The following KSR1 variants were observed in gnomAD, a reference collection of about 807,000 sequenced individuals.
The protein encoded by KSR1 is kinase suppressor of ras 1, also known as kinase suppressor of ras.
A neutral mutation model predicts 92.9 loss-of-function variants in KSR1; 35 were observed. That is an observed-to-expected ratio of 0.38 (90% CI 0.29 to 0.50). The LOEUF (loss-of-function observed/expected upper bound fraction) is 0.50, where lower values mean the gene tolerates loss of function less well. Among genes scored for constraint, KSR1 ranks in the 20% least tolerant of loss-of-function variants. The probability of loss-of-function intolerance (pLI) is 0.94; values close to 1 mark genes in which losing one functional copy is unlikely to be tolerated. For synonymous variants in KSR1, 467 were observed against 472.6 expected (o/e 0.99, Z 0.15); for missense variants, 972 against 1,158.5 (o/e 0.84, Z 2.34).
At chr17:27,598,615 C>G (rs2073431818) in intron 10 of KSR1, among the ~76,000 whole-genome samples, 1 of 152,240 alleles carries the variant, frequency 6.6e-6, no homozygotes, top group Non-Finnish European at 1.5e-5. Context: ...CCATTCTGCT[C>G]TGTCTTTATT....
chr17:27,585,439 G>A (rs1327009678), intron 4 of KSR1, among the ~76,000 whole-genome samples: 2 of 152,112 alleles, frequency 1.3e-5, no homozygotes, highest in Non-Finnish European at 2.9e-5. Context: ...GTCCCCTGGG[G>A]AGGCCTGGGG....
At chr17:27,587,408 T>C (rs2073008234) in intron 5 of KSR1, 1 of 152,222 alleles carries the variant, frequency 6.6e-6, no homozygotes, top group South Asian at 2.1e-4. Context: ...AGTCCAGCTT[T>C]GTGCTAGACC....
At chr17:27,573,212 A>G (rs545490100) in intron 2 of KSR1, among the ~76,000 whole-genome samples, 31 of 152,326 alleles carry the variant, frequency 2.0e-4, no homozygotes, top group African/African-American at 7.5e-4. Flanking sequence ...ATTAGTTATC[A>G]CCATGTAAAA....
intron 1 of KSR1, among the ~76,000 whole-genome samples, chr17:27,519,934 A>C (rs1287266363): frequency 6.6e-6 from 1 of 152,212 alleles, no homozygotes; most frequent in Non-Finnish European, 1.5e-5. Flanking sequence ...GGGAGTGGGG[A>C]TAGTAATACT....
intron 2 of KSR1, among the ~76,000 whole-genome samples, chr17:27,571,361 A>T (rs769328324): frequency 2.0e-5 from 3 of 152,202 alleles, no homozygotes; most frequent in Non-Finnish European, 2.9e-5. Flanking sequence ...ATGAGCCCCA[A>T]TGGTGGGTGC....
intron 1 of KSR1, among the ~76,000 whole-genome samples, chr17:27,505,167 A>G (rs900122039): frequency 2.6e-5 from 4 of 152,204 alleles, no homozygotes; most frequent in Non-Finnish European, 5.9e-5. Flanking sequence ...ATGACACTTC[A>G]GGAGGATAGT....
intron 1 of KSR1, among the ~76,000 whole-genome samples, chr17:27,543,027 G>C (rs1165988713): frequency 1.3e-5 from 2 of 152,206 alleles, no homozygotes; most frequent in Non-Finnish European, 2.9e-5. Context: ...AACAGGTGCT[G>C]GTGGTAAACA....
At chr17:27,504,693 C>T (rs1360376118) in intron 1 of KSR1, among the ~76,000 whole-genome samples, 1 of 152,196 alleles carries the variant, frequency 6.6e-6, no homozygotes, top group Non-Finnish European at 1.5e-5. Flanking sequence ...AGAGGACATC[C>T]CTGCCGCCAT....
At position 27,577,554 on chromosome 17, in the gene KSR1, G is replaced by C. The variant is rs773797374; in HGVS notation, c.435G>C (p.Glu145Asp). ...AGATGAATGAGGCCAAGGTGAAGGAGACGCTGCGGCGCTGTGGGGCCAGCG... is the reference window on the plus strand; with the variant it reads ...AGATGAATGAGGCCAAGGTGAAGGACACGCTGCGGCGCTGTGGGGCCAGCG... Reference protein sequence around the residue: ...LLEMNEAKVKETLRRCGASGD... With the variant: ...LLEMNEAKVKDTLRRCGASGD... Residue 145 changes from glutamate to aspartate, a missense_variant, in exon 3 of 21, where the codon GAG becomes GAC. Transcript: ENST00000644974. This position sits in a 1 kb window ranked among gnomAD's most constrained non-coding sequence, Gnocchi z 4.5. The C allele has an allele frequency of 1.9e-6, 3 of 1,605,938 alleles. No homozygotes were observed. Among genetic ancestry groups the C allele is most frequent in the Non-Finnish European group, 2.5e-6 (3 of 1,178,812 alleles).
At chr17:27,526,945 C>T in intron 1 of KSR1, 3 of 590,148 alleles carry the variant, frequency 5.1e-6, no homozygotes, top group Non-Finnish European at 9.3e-6. Context: ...CTCCCTTTCA[C>T]CTTCTCTCTC....
intron 1 of KSR1, among the ~76,000 whole-genome samples, chr17:27,490,588 G>A (rs1183288662): frequency 6.6e-6 from 1 of 152,200 alleles, no homozygotes; most frequent in Non-Finnish European, 1.5e-5. Context: ...GACCTGGGGG[G>A]TCTTCCTGCT....
At chr17:27,566,476 GGGTGAC>G (rs1253335993) in intron 2 of KSR1, 3 of 399,032 alleles carry the variant, frequency 7.5e-6, no homozygotes, top group Non-Finnish European at 1.3e-5. Flanking sequence ...CTGTGGAGCT[GGGTGAC>G]AGCCAAGGTG....
rs2151156222 is a variant in KSR1, at chr17:27,577,864, A to G, written c.520+225A>G. The G allele has an allele frequency of 3.0e-6, 2 of 673,382 alleles. No individual in the cohort carries two copies. The highest frequency in any genetic ancestry group is 1.8e-5 in the African/African-American group (1 of 56,400). 41.7% of individuals were successfully genotyped at this position (673,382 alleles called of 1,614,324 possible). On this transcript the variant is annotated intron_variant, in intron 3 of 20. Coordinates refer to ENST00000644974, the MANE Select transcript of KSR1 (RefSeq NM_001394583.1). The surrounding 1 kb of genome is among the most constrained non-coding windows in gnomAD (Gnocchi z 4.5). Reference sequence around the variant, plus strand: ...AGGCCGAATCTGAGGGGTTTCAGCCATGGTTAGAAATCCCAGGCCTGTCTG... The same window carrying G: ...AGGCCGAATCTGAGGGGTTTCAGCCGTGGTTAGAAATCCCAGGCCTGTCTG...
At chr17:27,552,323 T>C (rs907968984) in intron 2 of KSR1, among the ~76,000 whole-genome samples, 7 of 152,098 alleles carry the variant, frequency 4.6e-5, no homozygotes, top group African/African-American at 1.7e-4. Flanking sequence ...CCCCATTGAG[T>C]GTCGGGCCCA....
intron 1 of KSR1, among the ~76,000 whole-genome samples, chr17:27,506,594 G>A (rs1179663761): frequency 6.6e-6 from 1 of 152,142 alleles, no homozygotes; most frequent in Non-Finnish European, 1.5e-5. Context: ...CGGCAGCTGG[G>A]AGTCCCCTGG....
chr17:27,500,173 G>A (rs1437022384), intron 1 of KSR1, among the ~76,000 whole-genome samples: 3 of 152,306 alleles, frequency 2.0e-5, no homozygotes, highest in East Asian at 1.9e-4. Context: ...GGGGTCAGTG[G>A]GACAAGGGAG....
intron 1 of KSR1, among the ~76,000 whole-genome samples, chr17:27,486,231 T>C (rs1254323577): frequency 2.0e-5 from 3 of 152,214 alleles, no homozygotes; most frequent in Non-Finnish European, 4.4e-5. Flanking sequence ...GGATTTTCTT[T>C]AATGTAAACA....
At chr17:27,505,383 A>T (rs942991172) in intron 1 of KSR1, among the ~76,000 whole-genome samples, 1 of 152,312 alleles carries the variant, frequency 6.6e-6, no homozygotes, top group Non-Finnish European at 1.5e-5. Flanking sequence ...TGTCCTCATT[A>T]ACCCAGGAGG....
At chr17:27,517,877 T>C (rs1021316328) in intron 1 of KSR1, among the ~76,000 whole-genome samples, 2 of 152,148 alleles carry the variant, frequency 1.3e-5, no homozygotes, top group Admixed American at 6.6e-5. Flanking sequence ...AGTGGAAGAT[T>C]TGGGGACTTG....
Sources: allele counts gnomAD v4.1 joint callset (sites outside exome capture counted in the v4.1 genomes callset), GRCh38; gene constraint gnomAD v4.1.1; non-coding constraint Gnocchi (gnomAD v3.1); transcripts MANE v1.5; gene names NCBI Gene and HGNC (gene_info 2026-07-23, HGNC 2026-07-21).